Variants in NOL4L observed in about 807,000 individuals in gnomAD.
NOL4L encodes the protein nucleolar protein 4 like.
Under a neutral mutation model 64.5 loss-of-function variants are expected in NOL4L, and 7 were observed. That is an observed-to-expected ratio of 0.11 (90% CI 0.06 to 0.20). The LOEUF (loss-of-function observed/expected upper bound fraction) is 0.20, where lower values mean the gene tolerates loss of function less well. NOL4L is among the 10% of genes least tolerant of loss of function. The probability of loss-of-function intolerance (pLI) is 1.00; values close to 1 mark genes in which losing one functional copy is unlikely to be tolerated. For synonymous variants in NOL4L, 413 were observed against 401.0 expected, an observed-to-expected ratio of 1.03 and a Z score of -0.36; for missense variants, 680 against 967.1, an observed-to-expected ratio of 0.70 and a Z score of 3.94.
intron 4 of NOL4L, among the ~76,000 whole-genome samples, chr20:32,491,239 T>G (rs2016456725): frequency 6.6e-6 from 1 of 152,182 alleles, no homozygotes; most frequent in African/African-American, 2.4e-5. Flanking sequence ...TTGATAGTCC[T>G]GAAACATTCT....
chr20:32,461,787 A>G (rs2014093702), intron 5 of NOL4L, among the ~76,000 whole-genome samples: 1 of 150,162 alleles, frequency 6.7e-6, no homozygotes, highest in Non-Finnish European at 1.5e-5. Flanking sequence ...ATTTCTTCCA[A>G]GCACTTATCC....
intron 4 of NOL4L, among the ~76,000 whole-genome samples, chr20:32,495,507 G>A (rs1227183123): frequency 6.6e-6 from 1 of 152,162 alleles, no homozygotes; most frequent in Non-Finnish European, 1.5e-5. Context: ...GCCCAGCATT[G>A]CCAGCAACAT....
At chr20:32,514,972 G>C (rs6119876) in intron 3 of NOL4L, among the ~76,000 whole-genome samples, 21 of 152,190 alleles carry the variant, frequency 1.4e-4, no homozygotes, top group African/African-American at 5.1e-4. Context: ...GGATTGTCTA[G>C]GTTTGGGAGG....
At chr20:32,494,253 G>GA (rs566317193) in intron 4 of NOL4L, among the ~76,000 whole-genome samples, 1,287 of 21,922 alleles carry the variant, frequency 0.059, 228 homozygotes, top group Non-Finnish European at 0.077. Flanking sequence ...ATAATCTCGG[G>GA]AAAAAAAAAA....
chr20:32,454,361 C>G (rs1026119152), intron 6 of NOL4L, among the ~76,000 whole-genome samples: 1 of 152,186 alleles, frequency 6.6e-6, no homozygotes, highest in African/African-American at 2.4e-5. Flanking sequence ...CCTGTCTGCC[C>G]CCCACCCAGG....
rs372050050 is a variant in NOL4L, at chr20:32,456,077, C to G, written c.1119+41G>C. 6.2e-6 allele frequency: 9 copies of G among 1,462,200 alleles called. No individual in the cohort carries two copies. The African/African-American group carries it at 1.0e-4, about 16-fold the overall frequency. 90.6% of individuals were successfully genotyped at this position (1,462,200 alleles called of 1,614,324 possible). ...ATTTCATTCTCGCCTCGCGACAGCC[C>G]TTTACAGAAAGAAATGGACTCAGCC... On this transcript the variant is annotated intron_variant, in intron 6 of 10. Transcript: ENST00000621426.
intron 4 of NOL4L, among the ~76,000 whole-genome samples, chr20:32,495,033 ACT>A (rs759954701): frequency 5.3e-5 from 8 of 151,842 alleles, no homozygotes; most frequent in Non-Finnish European, 1.0e-4. Context: ...GAGCCTCTTG[ACT>A]CTTTGAAGAG....
chr20:32,546,932 G>A (rs1250278964), intron 1 of NOL4L, among the ~76,000 whole-genome samples: 1 of 152,218 alleles, frequency 6.6e-6, no homozygotes, highest in Non-Finnish European at 1.5e-5. Context: ...CAGGAAACGT[G>A]TACTGAAAGA....
intron 5 of NOL4L, among the ~76,000 whole-genome samples, chr20:32,470,566 C>A (rs1051849357): frequency 6.6e-6 from 1 of 152,228 alleles, no homozygotes; most frequent in African/African-American, 2.4e-5. Flanking sequence ...CCCAAGGCAA[C>A]GCCAGACCAC....
At position 32,496,948 on chromosome 20, in the gene NOL4L, A is replaced by T. The variant is rs530233290; in HGVS notation, c.699+14399T>A. Among the ~76,000 whole-genome samples, 13 of 151,618 alleles carry T rather than the reference A, an allele frequency of 8.6e-5. 1 individual carries two copies. Among genetic ancestry groups the T allele is most frequent in the Admixed American group, 1.3e-4 (2 of 15,196 alleles). Reference sequence around the variant, plus strand: ...GCTGTGCTGTGTGCCTCTCAGTCTGAATAGGGGTCGGGGAGCTACCCGCCT... The same window carrying T: ...GCTGTGCTGTGTGCCTCTCAGTCTGTATAGGGGTCGGGGAGCTACCCGCCT... On this transcript the variant is annotated intron_variant, in intron 4 of 10. Transcript: ENST00000621426.
At chr20:32,530,471 G>T (rs1393462891) in intron 1 of NOL4L, among the ~76,000 whole-genome samples, 2 of 151,924 alleles carry the variant, frequency 1.3e-5, no homozygotes, top group African/African-American at 4.8e-5. Context: ...AACCCGGGAG[G>T]CAGAGCTTGC....
intron 4 of NOL4L, chr20:32,475,266 T>C: frequency 1.0e-6 from 1 of 985,346 alleles, no homozygotes; most frequent in East Asian, 1.1e-4. Flanking sequence ...CAGAGGACGT[T>C]TCTGTCTTCC....
chr20:32,510,706 G>C (rs548682681), intron 4 of NOL4L: 1 of 154,296 alleles, frequency 6.5e-6, no homozygotes, highest in East Asian at 1.9e-4. Context: ...CAGTGGTTGG[G>C]GGGTGGAGGT....
Position 32,447,382 on chromosome 20 carries a change from A to T in NOL4L, c.*214T>A. 1.6e-6 allele frequency: 1 copy of T among 612,848 alleles called. No individual in the cohort carries two copies. Among genetic ancestry groups the T allele is most frequent in the Non-Finnish European group, 2.6e-6 (1 of 389,354 alleles). 38.0% of individuals were successfully genotyped at this position (612,848 alleles called of 1,614,324 possible). A position where few individuals can be genotyped will look rare whatever the true frequency, so the allele number is the denominator to read the frequency against. On this transcript the variant is annotated 3_prime_UTR_variant, in exon 11 of 11. Transcript: ENST00000621426. ...CGTTGGCCTCTTCCAAGCAGGTCAG[A>T]GCACCCGTGTGGTGAGATTCCAAAA...
chr20:32,478,344 T>C (rs1247072218), intron 4 of NOL4L, among the ~76,000 whole-genome samples: 1 of 152,144 alleles, frequency 6.6e-6, no homozygotes, highest in South Asian at 2.1e-4. Context: ...GAGCATCTAC[T>C]ATGTGCTGGC....
chr20:32,540,635 G>A (rs947271016), intron 1 of NOL4L, among the ~76,000 whole-genome samples: 2 of 152,070 alleles, frequency 1.3e-5, no homozygotes, highest in Non-Finnish European at 2.9e-5. Context: ...ACTGGAACAG[G>A]AACAAATAAT....
At chr20:32,536,800 G>GGGC (rs1491429636) in intron 1 of NOL4L, among the ~76,000 whole-genome samples, 12 of 16,138 alleles carry the variant, frequency 7.4e-4, no homozygotes, top group African/African-American at 4.4e-3. Flanking sequence ...GGCTGGGAGT[G>GGGC]GGGGGGGGGG....
chr20:32,497,964 C>T (rs1297641350), intron 4 of NOL4L, among the ~76,000 whole-genome samples: 2 of 152,260 alleles, frequency 1.3e-5, no homozygotes, highest in Non-Finnish European at 2.9e-5. Context: ...AGGCAGCTCT[C>T]CTGCTTGCAC....
intron 3 of NOL4L, among the ~76,000 whole-genome samples, chr20:32,518,469 C>A (rs1038896257): frequency 6.6e-6 from 1 of 152,216 alleles, no homozygotes; most frequent in Non-Finnish European, 1.5e-5. Flanking sequence ...GTGCAGCCTG[C>A]AGCATGGGGA....
Sources: allele counts gnomAD v4.1 joint callset (sites outside exome capture counted in the v4.1 genomes callset), GRCh38; gene constraint gnomAD v4.1.1; transcripts MANE v1.5; gene names NCBI Gene and HGNC (gene_info 2026-07-23, HGNC 2026-07-21).